The following TTYH3 variants were observed in gnomAD, a reference collection of about 807,000 sequenced individuals.
TTYH3 encodes tweety family member 3.
A neutral mutation model predicts 68.2 loss-of-function variants in TTYH3; 23 were observed. That is an observed-to-expected ratio of 0.34 (90% CI 0.24 to 0.48). The LOEUF (loss-of-function observed/expected upper bound fraction) is 0.48. Among genes scored for constraint, TTYH3 ranks in the 20% least tolerant of loss-of-function variants. TTYH3 has a pLI of 0.99. For missense variants in TTYH3, 768 were observed against 727.7 expected (o/e 1.06, Z -0.64); for synonymous variants, 360 against 332.8 (o/e 1.08, Z -0.89).
rs1404660453 is a variant in TTYH3 at position 2,662,026 on chromosome 7, C to T, written c.*287C>T. The T allele has an allele frequency of 3.1e-5, 18 of 574,178 alleles. No homozygotes were observed. The highest frequency in any genetic ancestry group is 8.8e-5 in the East Asian group (3 of 34,124). The allele number at this position is 574,178 out of a possible 1,614,324, so 35.6% of individuals were successfully genotyped here. Reference sequence around the variant, plus strand: ...CCGGCACGCTCCCTCTGCAGATGGTCGCCGCACCTACAAGCCCTGGCCGCA... The same window carrying T: ...CCGGCACGCTCCCTCTGCAGATGGTTGCCGCACCTACAAGCCCTGGCCGCA... On this transcript the variant is annotated 3_prime_UTR_variant, in exon 14 of 14. Transcript: ENST00000258796.
intron 11 of TTYH3, among the ~76,000 whole-genome samples, 154 bp from the exon 12 acceptor site, chr7:2,658,132 G>A (rs1786386764): frequency 6.6e-6 from 1 of 152,244 alleles, no homozygotes; most frequent in African/African-American, 2.4e-5. Flanking sequence ...TGCAGAGCCA[G>A]GTGACCTGCC....
intron 7 of TTYH3, among the ~76,000 whole-genome samples, chr7:2,650,751 T>G (rs1454000428): frequency 6.6e-6 from 1 of 151,726 alleles, no homozygotes; most frequent in African/African-American, 2.4e-5. Context: ...GGGGAGAGAT[T>G]TGACCCATGA....
In TTYH3 at chr7:2,653,016, G is replaced by A; in HGVS notation, c.1020+6G>A. On this transcript the variant is annotated splice_donor_region_variant and intron_variant, in intron 9 of 13. Coordinates refer to ENST00000258796, the MANE Select transcript of TTYH3 (RefSeq NM_025250.3). ...GGGAGCAGCCGGCCACTAAGGTGAG[G>A]GGCTGCGGGGTAGGCACTGGGGCAG... 1.9e-6 allele frequency: 3 copies of A among 1,562,956 alleles called. No homozygotes were observed. Among genetic ancestry groups the A allele is most frequent in the African/African-American group, 2.7e-5 (2 of 74,388 alleles).
intron 11 of TTYH3, 22 bp downstream of exon 11, chr7:2,656,556 C>T (rs373872105): frequency 1.3e-6 from 2 of 1,592,884 alleles, no homozygotes; most frequent in African/African-American, 2.7e-5. Context: ...TGGGGGGTCG[C>T]AGGAGCTTGC....
At chr7:2,658,573 C>T in intron 12 of TTYH3, 114 bp downstream of exon 12, 1 of 1,310,296 alleles carries the variant, frequency 7.6e-7, no homozygotes, top group Non-Finnish European at 1.0e-6. Context: ...GGCCTCCGGG[C>T]TGGGCAGCCC....
At chr7:2,653,947 G>A (rs555401310) in intron 9 of TTYH3, among the ~76,000 whole-genome samples, 10 of 152,300 alleles carry the variant, frequency 6.6e-5, no homozygotes, top group African/African-American at 2.2e-4. Context: ...TGGTCCACCC[G>A]TGGGGATCCC....
intron 1 of TTYH3, among the ~76,000 whole-genome samples, chr7:2,646,352 G>A (rs551967677): frequency 6.6e-5 from 10 of 152,324 alleles, no homozygotes; most frequent in Admixed American, 4.6e-4. Flanking sequence ...AACCAGGCTC[G>A]GAGAGGTGGA....
chr7:2,659,950 C>G (rs2114999961), intron 13 of TTYH3: 2 of 1,303,656 alleles, frequency 1.5e-6, no homozygotes, highest in Non-Finnish European at 2.0e-6. Flanking sequence ...CGCTATCTGG[C>G]TGCCCTGGAC....
chr7:2,632,021 GC>G lies in TTYH3; in HGVS notation c.-133del. 1.4e-6 allele frequency: 1 copy of G among 740,000 alleles called. No homozygotes were observed. The highest frequency in any genetic ancestry group is 1.7e-6 in the Non-Finnish European group (1 of 586,264). The allele number at this position is 740,000 out of a possible 1,614,324, so 45.8% of individuals were successfully genotyped here. On this transcript the variant is annotated 5_prime_UTR_variant, in exon 1 of 14. Transcript: ENST00000258796. ...GCGCAGCCGAGCCGGGCCGAGCCGG[GC>G]CGGGCCGGGCCCAGGAGCGCGCGGA... is the stretch of plus-strand genomic sequence containing the variant.
chr7:2,645,481 G>C lies in TTYH3; in HGVS notation c.124-1372G>C. The C allele has an allele frequency of 5.5e-6, 1 of 182,844 alleles. No individual in the cohort carries two copies. The highest frequency in any genetic ancestry group is 1.2e-5 in the Non-Finnish European group (1 of 84,362). The allele number at this position is 182,844 out of a possible 1,614,324, so 11.3% of individuals were successfully genotyped here. On this transcript the variant is annotated intron_variant, in intron 1 of 13. Coordinates refer to ENST00000258796, the MANE Select transcript of TTYH3 (RefSeq NM_025250.3). This position sits in a 1 kb window ranked among gnomAD's most constrained non-coding sequence, Gnocchi z 4.8. ...CATCAAATTAGCCACTTCCTGTGGG[G>C]GTCGCCTGGCCTCGGGACAGGGGAG...
chr7:2,646,223 C>T (rs974777823), intron 1 of TTYH3, among the ~76,000 whole-genome samples: 3 of 152,208 alleles, frequency 2.0e-5, no homozygotes, highest in African/African-American at 7.2e-5. Context: ...CCACGTTGGC[C>T]AGGCTGGTCT....
At chr7:2,660,351 A>T in intron 13 of TTYH3, 2 of 985,212 alleles carry the variant, frequency 2.0e-6, no homozygotes, top group Non-Finnish European at 2.4e-6. Flanking sequence ...TGAGGAATCC[A>T]TGCACCCAGA....
chr7:2,647,849 C>A (rs753059175), intron 4 of TTYH3, 110 bp from the exon 5 acceptor site: 19 of 1,291,872 alleles, frequency 1.5e-5, no homozygotes, highest in Non-Finnish European at 2.1e-5. Context: ...GCTCTGAATG[C>A]CCTCTGGGGT....
At chr7:2,652,307 G>A in intron 8 of TTYH3, 65 bp downstream of exon 8, 3 of 1,439,318 alleles carry the variant, frequency 2.1e-6, no homozygotes, top group Non-Finnish European at 2.9e-6. Context: ...GTGTGTGGAG[G>A]GGCCCAGCAG....
rs1785955431 is a variant in TTYH3, at chr7:2,645,482, G to T, written c.124-1371G>T. ...ATCAAATTAGCCACTTCCTGTGGGG[G>T]TCGCCTGGCCTCGGGACAGGGGAGC... On this transcript the variant is annotated intron_variant, in intron 1 of 13. Transcript: ENST00000258796. This position sits in a 1 kb window ranked among gnomAD's most constrained non-coding sequence, Gnocchi z 4.8. 5.5e-6 allele frequency: 1 copy of T among 182,982 alleles called. No individual in the cohort carries two copies. Among genetic ancestry groups the T allele is most frequent in the Non-Finnish European group, 1.2e-5 (1 of 84,442 alleles). The allele number at this position is 182,982 out of a possible 1,614,324, so 11.3% of individuals were successfully genotyped here. A position where few individuals can be genotyped will look rare whatever the true frequency, so the allele number is the denominator to read the frequency against.
chr7:2,641,297 T>G (rs1304913778), intron 1 of TTYH3, among the ~76,000 whole-genome samples: 2 of 151,726 alleles, frequency 1.3e-5, no homozygotes, highest in Admixed American at 6.6e-5. Context: ...GGGGCTGCAT[T>G]TTGGGGGCTG....
In TTYH3 at chr7:2,638,727, T is replaced by C. The variant is rs575294645; in HGVS notation, c.123+6449T>C. Among the ~76,000 whole-genome samples the C allele has an allele frequency of 2.0e-5, 3 of 152,292 alleles. No homozygotes were observed. In the South Asian group the frequency reaches 6.2e-4, roughly 32 times the overall value. Reference sequence around the variant, plus strand: ...CCCAGCCTGGTGGAAAATCTGTTTTTAATTTTGGGCCAGTGTCGCTGGGAG... The same window carrying C: ...CCCAGCCTGGTGGAAAATCTGTTTTCAATTTTGGGCCAGTGTCGCTGGGAG... On this transcript the variant is annotated intron_variant, in intron 1 of 13. Coordinates refer to ENST00000258796, the MANE Select transcript of TTYH3 (RefSeq NM_025250.3).
chr7:2,656,790 T>TG (rs1191025679), intron 11 of TTYH3, among the ~76,000 whole-genome samples: 2 of 152,186 alleles, frequency 1.3e-5, no homozygotes, highest in African/African-American at 4.8e-5. Context: ...GAGCAGACAG[T>TG]GGGGAGGACT....
Position 2,646,833 on chromosome 7 carries a change from C to G in TTYH3, c.124-20C>G, listed in dbSNP as rs767369992. The G allele has an allele frequency of 3.1e-6, 5 of 1,587,714 alleles. No homozygotes were observed. The highest frequency in any genetic ancestry group is 2.3e-5 in the East Asian group (1 of 44,280). On this transcript the variant is annotated intron_variant, in intron 1 of 13. Coordinates refer to ENST00000258796, the MANE Select transcript of TTYH3 (RefSeq NM_025250.3). Reference sequence around the variant, plus strand: ...AGCTGGGGGTCCACCCCTCCAGCGCCGCTTCCTGCCTGCCCTCAGGCCCTG... The same window carrying G: ...AGCTGGGGGTCCACCCCTCCAGCGCGGCTTCCTGCCTGCCCTCAGGCCCTG...
Sources: gnomAD v4.1 joint callset for allele counts (sites outside exome capture counted in the v4.1 genomes callset) on GRCh38, gnomAD v4.1.1 for gene constraint, Gnocchi (gnomAD v3.1) non-coding constraint, MANE v1.5 for transcripts, NCBI Gene and HGNC (gene_info 2026-07-23, HGNC 2026-07-21) for gene names.